G2E3: variants seen among roughly 807,000 people sequenced by gnomAD.
The protein encoded by G2E3 is G2/M phase-specific E3 ubiquitin-protein ligase.
G2E3 carries 35 observed loss-of-function variants against 92.8 expected under a neutral mutation model. The observed-to-expected ratio is 0.38, with a 90% CI of 0.29 to 0.50. G2E3 has a LOEUF of 0.50. Ranked by LOEUF, G2E3 falls within the 20% of genes least tolerant of loss-of-function variation. The pLI is 0.94. For synonymous variants in G2E3, 242 were observed against 272.4 expected, an observed-to-expected ratio of 0.89 and a Z score of 1.10; for missense variants, 554 against 823.8, an observed-to-expected ratio of 0.67 and a Z score of 4.01.
At chr14:30,604,195 A>G (rs770125429) in intron 10 of G2E3, among the ~76,000 whole-genome samples, 1 of 152,342 alleles carries the variant, frequency 6.6e-6, no homozygotes, top group East Asian at 1.9e-4. Flanking sequence ...CAAGGAATCA[A>G]CCTGCTATAA....
At chr14:30,577,371 C>T (rs780731683) in intron 1 of G2E3, among the ~76,000 whole-genome samples, 2 of 151,952 alleles carry the variant, frequency 1.3e-5, no homozygotes, top group Non-Finnish European at 2.9e-5. Flanking sequence ...ACAGATAACT[C>T]CAGAACTTGC....
rs949176758 is a variant in G2E3 at position 30,592,448 on chromosome 14, G to A, written c.362+1G>A. The A allele has an allele frequency of 1.9e-6, 3 of 1,573,140 alleles. No individual in the cohort carries two copies. Among genetic ancestry groups the A allele is most frequent in the Non-Finnish European group, 2.6e-6 (3 of 1,162,296 alleles). On this transcript the variant is annotated splice_donor_variant, in intron 5 of 14. Coordinates refer to ENST00000206595, the MANE Select transcript of G2E3 (RefSeq NM_017769.5). LOFTEE classifies it high-confidence loss of function. ...TTTTCCAGTTTACTGGCAATTTTGC[G>A]TGAGTTATTTAACTGTTAAATATGA... is the stretch of plus-strand genomic sequence containing the variant.
chr14:30,614,032 T>C (rs229242), intron 13 of G2E3, among the ~76,000 whole-genome samples: 11,557 of 152,170 alleles, frequency 0.076, 683 homozygotes, highest in African/African-American at 0.16. Flanking sequence ...TTTATTAACA[T>C]TTCATTTTAT....
intron 1 of G2E3, among the ~76,000 whole-genome samples, chr14:30,579,336 A>G (rs374701530): frequency 2.6e-5 from 4 of 152,202 alleles, no homozygotes; most frequent in South Asian, 2.1e-4. Context: ...TCTTAATGGC[A>G]TAGAATATTA....
chr14:30,577,030 T>G (rs1175401967), intron 1 of G2E3, among the ~76,000 whole-genome samples: 1 of 151,838 alleles, frequency 6.6e-6, no homozygotes, highest in Non-Finnish European at 1.5e-5. Flanking sequence ...ATTAAGACCA[T>G]CCTGGCCAAC....
At chr14:30,562,397 G>A (rs1040802752) in intron 1 of G2E3, among the ~76,000 whole-genome samples, 1 of 152,118 alleles carries the variant, frequency 6.6e-6, no homozygotes, top group East Asian at 1.9e-4. Flanking sequence ...TACAGAGATA[G>A]GAGCTGAGGG....
At chr14:30,562,906 G>A (rs909430067) in intron 1 of G2E3, among the ~76,000 whole-genome samples, 3 of 152,338 alleles carry the variant, frequency 2.0e-5, no homozygotes, top group South Asian at 2.1e-4. Flanking sequence ...CAGTGGACAC[G>A]TGACCCACGT....
intron 2 of G2E3, among the ~76,000 whole-genome samples, chr14:30,583,110 C>T (rs184423004): frequency 3.2e-4 from 48 of 152,222 alleles, no homozygotes; most frequent in African/African-American, 1.0e-3. Flanking sequence ...GGAGTTTCTG[C>T]GGTATGCAAT....
At chr14:30,607,083 A>T (rs978433174) in intron 11 of G2E3, among the ~76,000 whole-genome samples, 7 of 152,132 alleles carry the variant, frequency 4.6e-5, no homozygotes, top group Admixed American at 3.9e-4. Context: ...CTTAGCCAGG[A>T]TAGCCAGGGG....
At chr14:30,570,620 A>G (rs1394200702) in intron 1 of G2E3, among the ~76,000 whole-genome samples, 3 of 152,166 alleles carry the variant, frequency 2.0e-5, no homozygotes, top group Non-Finnish European at 4.4e-5. Flanking sequence ...CGTGCTGTTA[A>G]ACCTCTGTAA....
At chr14:30,594,533 C>CA (rs1209965311) in intron 6 of G2E3, among the ~76,000 whole-genome samples, 17 of 147,122 alleles carry the variant, frequency 1.2e-4, no homozygotes, top group Admixed American at 2.7e-4. Context: ...ACTAAAAATA[C>CA]AAAAAAAAAA....
Position 30,617,279 on chromosome 14 carries a change from A to C in G2E3, c.*745A>C, listed in dbSNP as rs1882357597. On this transcript the variant is annotated 3_prime_UTR_variant, in exon 15 of 15. Transcript: ENST00000206595. The stretch of plus-strand genomic sequence containing the variant: ...TCAAAAAAAAAAACAGAATTGCACA[A>C]ATTTTCTGGAATCTATGGACATTCC... 1 of 152,094 alleles carries C rather than the reference A, an allele frequency of 6.6e-6. No homozygotes were observed. Among genetic ancestry groups the C allele is most frequent in the African/African-American group, 2.4e-5 (1 of 41,440 alleles). 9.4% of individuals were successfully genotyped at this position (152,094 alleles called of 1,614,324 possible). A position where few individuals can be genotyped will look rare whatever the true frequency, so the allele number is the denominator to read the frequency against.
intron 1 of G2E3, among the ~76,000 whole-genome samples, chr14:30,563,666 CTT>C (rs900174331): frequency 1.3e-5 from 2 of 150,092 alleles, no homozygotes; most frequent in Non-Finnish European, 3.0e-5. Flanking sequence ...ATATTGATAA[CTT>C]AATGTAAACT....
At position 30,586,769 on chromosome 14, in the gene G2E3, A is replaced by G; in HGVS notation, c.89A>G (p.Lys30Arg). The change falls in exon 3 of 15, where the codon AAG (lysine) becomes AGG (arginine). Residue 30 changes from lysine to arginine, a missense_variant. Around this residue, in one of 3 missense-constraint regions of G2E3, gnomAD observed 137 missense variants for 201.3 expected, o/e 0.68. Coordinates refer to ENST00000206595, the MANE Select transcript of G2E3 (RefSeq NM_017769.5). ...HDDCPNKYGE[K>R]KTKEKWNLTV... ...GACTGTCCTAATAAATACGGAGAAA[A>G]GAAAACTAAGGAGAAATGGAATCTC... is the stretch of plus-strand genomic sequence containing the variant. 6.9e-7 allele frequency: 1 copy of G among 1,447,242 alleles called. No individual in the cohort carries two copies. The highest frequency in any genetic ancestry group is 9.4e-7 in the Non-Finnish European group (1 of 1,060,210). 89.7% of individuals were successfully genotyped at this position (1,447,242 alleles called of 1,614,324 possible).
chr14:30,570,814 G>A (rs562910692), intron 1 of G2E3, among the ~76,000 whole-genome samples: 2 of 152,034 alleles, frequency 1.3e-5, no homozygotes, highest in African/African-American at 2.4e-5. Context: ...CACCATTTTC[G>A]TGGATGTGTT....
intron 1 of G2E3, among the ~76,000 whole-genome samples, chr14:30,562,485 T>C (rs1321239625): frequency 6.6e-6 from 1 of 152,126 alleles, no homozygotes; most frequent in Non-Finnish European, 1.5e-5. Flanking sequence ...GGCTCCTTGT[T>C]CTAGCGGTAA....
At chr14:30,593,443 G>A (rs1478590037) in intron 5 of G2E3, 31 bp from the exon 6 acceptor site, 2 of 1,180,826 alleles carry the variant, frequency 1.7e-6, no homozygotes, top group East Asian at 2.4e-5. Flanking sequence ...TGCAGTTCAT[G>A]AGATTTTTTT....
intron 1 of G2E3, among the ~76,000 whole-genome samples, chr14:30,561,912 A>G (rs1318516652): frequency 2.6e-5 from 4 of 151,884 alleles, no homozygotes; most frequent in Non-Finnish European, 4.4e-5. Context: ...GTAGTTTAGT[A>G]GAGATTTTAG....
intron 4 of G2E3, chr14:30,590,441 A>G (rs1308361024): frequency 3.9e-6 from 1 of 257,788 alleles, no homozygotes; most frequent in African/African-American, 2.3e-5. Context: ...TGTGAAAATC[A>G]AGTAGTGGCC....
Sources: allele counts gnomAD v4.1 joint callset (sites outside exome capture counted in the v4.1 genomes callset), GRCh38; gene constraint gnomAD v4.1.1; regional missense constraint gnomAD v4.1.1; transcripts MANE v1.5; gene names NCBI Gene and HGNC (gene_info 2026-07-23, HGNC 2026-07-21).